Variants in MACROD2 observed in about 807,000 individuals in gnomAD.
The protein encoded by MACROD2 is ADP-ribose glycohydrolase MACROD2.
A neutral mutation model predicts 70.4 loss-of-function variants in MACROD2; 36 were observed. That is an observed-to-expected ratio of 0.51 (90% CI 0.39 to 0.68). MACROD2 has a LOEUF of 0.68. MACROD2 is among the 30% of genes least tolerant of loss of function. MACROD2 has a pLI of 0.00. For missense variants in MACROD2, 496 were observed against 538.4 expected (o/e 0.92, Z 0.78); for synonymous variants, 172 against 178.8 (o/e 0.96, Z 0.30).
intron 8 of MACROD2, among the ~76,000 whole-genome samples, chr20:15,520,467 G>A (rs533840868): frequency 2.0e-4 from 31 of 152,210 alleles, no homozygotes; most frequent in South Asian, 6.2e-4. Context: ...TCACCCTGGG[G>A]TGATGACTAT....
At chr20:14,483,357 A>G (rs1290013361) in intron 3 of MACROD2, among the ~76,000 whole-genome samples, 1 of 151,842 alleles carries the variant, frequency 6.6e-6, no homozygotes, top group Non-Finnish European at 1.5e-5. Context: ...TTTTTGATAG[A>G]TTTTCCATAT....
chr20:15,328,336 G>C (rs1568724917), intron 6 of MACROD2, among the ~76,000 whole-genome samples: 1 of 152,094 alleles, frequency 6.6e-6, no homozygotes. Context: ...TACCACATCT[G>C]ATCATGTAAG....
intron 6 of MACROD2, among the ~76,000 whole-genome samples, chr20:15,323,486 A>G (rs1170071376): frequency 1.3e-5 from 2 of 152,166 alleles, no homozygotes; most frequent in African/African-American, 4.8e-5. Context: ...AAAAAACCCC[A>G]TAAGGACTCT....
intron 2 of MACROD2, among the ~76,000 whole-genome samples, chr20:14,056,944 A>G (rs950935872): frequency 6.6e-6 from 1 of 151,618 alleles, no homozygotes; most frequent in South Asian, 2.1e-4. Context: ...TTATTGCTAC[A>G]TTATTTGATT....
intron 5 of MACROD2, among the ~76,000 whole-genome samples, chr20:14,744,726 T>C (rs1024059791): frequency 1.3e-5 from 2 of 152,158 alleles, no homozygotes; most frequent in African/African-American, 4.8e-5. Context: ...CTCTTTCTTG[T>C]CGCTGATACC....
intron 6 of MACROD2, among the ~76,000 whole-genome samples, chr20:15,417,544 A>T (rs1455422530): frequency 6.9e-6 from 1 of 144,156 alleles, no homozygotes; most frequent in Non-Finnish European, 1.5e-5. Context: ...AGCTGCAGTG[A>T]TGCATGATCG....
chr20:14,638,794 C>CA (rs1474832376), intron 4 of MACROD2, among the ~76,000 whole-genome samples: 1 of 151,744 alleles, frequency 6.6e-6, no homozygotes, highest in East Asian at 1.9e-4. Flanking sequence ...ACTAAAAATA[C>CA]AAAAAGTTAG....
At chr20:14,168,897 C>CA (rs1490787017) in intron 3 of MACROD2, among the ~76,000 whole-genome samples, 1 of 151,868 alleles carries the variant, frequency 6.6e-6, no homozygotes, top group Non-Finnish European at 1.5e-5. Context: ...AAGGACATAA[C>CA]AAAAAAAGGA....
chr20:15,748,073 C>A (rs117277100), intron 8 of MACROD2, among the ~76,000 whole-genome samples: 2,446 of 152,214 alleles, frequency 0.016, 36 homozygotes, highest in Non-Finnish European at 0.019. Flanking sequence ...GTGTGCAGAT[C>A]TCTTTCTGCT....
At chr20:15,941,094 T>C (rs1455368091) in intron 12 of MACROD2, among the ~76,000 whole-genome samples, 1 of 152,208 alleles carries the variant, frequency 6.6e-6, no homozygotes, top group African/African-American at 2.4e-5. Context: ...CATTAATTGC[T>C]TATGCCAGGA....
chr20:16,001,576 A>G (rs374531441), intron 15 of MACROD2, among the ~76,000 whole-genome samples: 7 of 152,236 alleles, frequency 4.6e-5, no homozygotes, highest in African/African-American at 1.7e-4. Flanking sequence ...AGATGTTGTC[A>G]TAGTTTATTA....
intron 5 of MACROD2, among the ~76,000 whole-genome samples, chr20:14,967,003 T>C (rs1165046250): frequency 6.6e-6 from 1 of 152,196 alleles, no homozygotes; most frequent in Non-Finnish European, 1.5e-5. Context: ...ATGGTATGTG[T>C]GTAATAGTGG....
At chr20:15,740,710 C>T (rs907041359) in intron 8 of MACROD2, among the ~76,000 whole-genome samples, 1 of 140,484 alleles carries the variant, frequency 7.1e-6, no homozygotes, top group Non-Finnish European at 1.5e-5. Context: ...TTACATGGAG[C>T]CTTTTTTTTT....
chr20:15,248,062 G>T (rs2146020724), intron 6 of MACROD2, among the ~76,000 whole-genome samples: 1 of 152,272 alleles, frequency 6.6e-6, no homozygotes, highest in Admixed American at 6.5e-5. Context: ...CTACTGAATG[G>T]ACTTCAAGCA....
intron 2 of MACROD2, among the ~76,000 whole-genome samples, chr20:14,024,515 T>C (rs1197485320): frequency 2.0e-5 from 3 of 152,228 alleles, no homozygotes; most frequent in Non-Finnish European, 4.4e-5. Context: ...TGATATTGGC[T>C]GTGGGTTTGT....
At chr20:15,420,005 T>C (rs927919) in intron 6 of MACROD2, among the ~76,000 whole-genome samples, 28,188 of 152,216 alleles carry the variant, frequency 0.19, 2,960 homozygotes, top group Non-Finnish European at 0.25. Flanking sequence ...AGTTTATAGA[T>C]GTAAACATTC....
At chr20:15,999,784 G>A (rs1238718168) in intron 15 of MACROD2, among the ~76,000 whole-genome samples, 1 of 152,126 alleles carries the variant, frequency 6.6e-6, no homozygotes, top group Non-Finnish European at 1.5e-5. Context: ...TGTAAGTATA[G>A]CCACCTTGCT....
At chr20:14,503,527 C>G (rs117201348) in intron 4 of MACROD2, among the ~76,000 whole-genome samples, 1 of 152,104 alleles carries the variant, frequency 6.6e-6, no homozygotes, top group African/African-American at 2.4e-5. Flanking sequence ...CAGCTATGAA[C>G]AACTGGGAGA....
intron 3 of MACROD2, among the ~76,000 whole-genome samples, chr20:14,391,633 A>T (rs543158680): frequency 3.3e-5 from 5 of 151,838 alleles, no homozygotes; most frequent in Admixed American, 3.3e-4. Flanking sequence ...AAATTAAAAA[A>T]ATTTAGCCTT....
Sources: allele counts gnomAD v4.1 joint callset (sites outside exome capture counted in the v4.1 genomes callset), GRCh38; gene constraint gnomAD v4.1.1; transcripts MANE v1.5; gene names NCBI Gene and HGNC (gene_info 2026-07-23, HGNC 2026-07-21).